ESR1: variants seen among roughly 807,000 people sequenced by gnomAD.
The protein encoded by ESR1 is estrogen receptor.
ESR1 carries 12 observed loss-of-function variants against 52.7 expected under a neutral mutation model. The ratio of observed to expected loss-of-function variants is 0.23; its 90% CI spans 0.15 to 0.37. ESR1 has a LOEUF of 0.37. Among genes scored for constraint, ESR1 ranks in the 10% least tolerant of loss-of-function variants. The probability of loss-of-function intolerance (pLI) is 1.00; values close to 1 mark genes in which losing one functional copy is unlikely to be tolerated. For synonymous variants in ESR1, 305 were observed against 316.8 expected (o/e 0.96, Z 0.39); for missense variants, 584 against 779.7 (o/e 0.75, Z 2.99).
exon 7 of ESR1, chr6:152,125,288 G>T: frequency 1.3e-6 from 2 of 1,550,450 alleles, no homozygotes; most frequent in Non-Finnish European, 1.7e-6. Flanking sequence ...TAGAAGCAAA[G>T]AAGAGAATCC....
chr6:151,692,999 T>C (rs866544733), intron 1 of ESR1, among the ~76,000 whole-genome samples: 1 of 152,236 alleles, frequency 6.6e-6, no homozygotes, highest in African/African-American at 2.4e-5. Flanking sequence ...GGAAAATGAC[T>C]GAGTACCAGC....
chr6:151,804,165 AC>A (rs1777548185), upstream of ESR1, among the ~76,000 whole-genome samples: 1 of 152,188 alleles, frequency 6.6e-6, no homozygotes, highest in South Asian at 2.1e-4. Flanking sequence ...ACCCATGCTC[AC>A]CAAGCCCAGG....
chr6:151,888,603 A>T (rs2128357403), intron 3 of ESR1, among the ~76,000 whole-genome samples: 1 of 152,226 alleles, frequency 6.6e-6, no homozygotes, highest in East Asian at 1.9e-4. Flanking sequence ...GTGTAAGATC[A>T]TGTCATCAGC....
At chr6:151,900,066 C>T (rs968596954) in intron 3 of ESR1, among the ~76,000 whole-genome samples, 11 of 152,166 alleles carry the variant, frequency 7.2e-5, no homozygotes, top group Non-Finnish European at 1.5e-4. Context: ...GAGGTTGTAG[C>T]GAGCTGAGAT....
chr6:151,803,344 T>G (rs1033495900), upstream of ESR1, among the ~76,000 whole-genome samples: 1 of 152,168 alleles, frequency 6.6e-6, no homozygotes, highest in Admixed American at 6.5e-5. Flanking sequence ...GTGGTAGCAT[T>G]TGGGCTGGAC....
At chr6:151,842,198 G>C (rs1036915159) in intron 1 of ESR1, among the ~76,000 whole-genome samples, 2 of 152,142 alleles carry the variant, frequency 1.3e-5, no homozygotes, top group Non-Finnish European at 2.9e-5. Flanking sequence ...AAATGTCCCA[G>C]CTGTTTTATG....
rs2152507468 is a variant in ESR1, at chr6:152,098,963, C to A, written c.1785C>A (p.Val595=). Residue 595 remains valine (V), a synonymous_variant, in exon 8 of 8, where the codon GTC becomes GTA. Transcript: ENST00000206249. This position sits in a 1 kb window ranked among gnomAD's most constrained non-coding sequence, Gnocchi z 5.1. Reference sequence around the variant, plus strand: ...AGGCAGAGGGTTTCCCTGCCACGGTCTGAGAGCTCCCTGGCTCCCACACGG... The same window carrying A: ...AGGCAGAGGGTTTCCCTGCCACGGTATGAGAGCTCCCTGGCTCCCACACGG... ...TGEAEGFPAT[V] 6.2e-7 allele frequency: 1 copy of A among 1,611,880 alleles called. No homozygotes were observed. The highest frequency in any genetic ancestry group is 1.1e-5 in the South Asian group (1 of 91,028).
intron 6 of ESR1, among the ~76,000 whole-genome samples, chr6:152,112,453 A>G (rs985820730): frequency 2.6e-5 from 4 of 152,306 alleles, no homozygotes; most frequent in Middle Eastern, 3.4e-3. Flanking sequence ...AGCAGCTACC[A>G]GGGATATTTA....
chr6:151,714,450 G>A (rs977079313), intron 2 of ESR1, among the ~76,000 whole-genome samples: 20 of 151,966 alleles, frequency 1.3e-4, no homozygotes, highest in African/African-American at 3.4e-4. Flanking sequence ...AAAGTCTCCC[G>A]CTATTATTGT....
intron 2 of ESR1, among the ~76,000 whole-genome samples, chr6:151,724,891 C>T (rs1781726100): frequency 6.6e-6 from 1 of 152,134 alleles, no homozygotes; most frequent in African/African-American, 2.4e-5. Flanking sequence ...TTTCATAATT[C>T]ACCTGCTAGG....
intron 5 of ESR1, among the ~76,000 whole-genome samples, chr6:152,047,686 G>A (rs1422900653): frequency 6.6e-6 from 1 of 152,118 alleles, no homozygotes; most frequent in Non-Finnish European, 1.5e-5. Flanking sequence ...CCCTGATTTG[G>A]CCCCTAAGCA....
intron 4 of ESR1, among the ~76,000 whole-genome samples, chr6:151,947,969 G>C (rs1441892974): frequency 6.6e-6 from 1 of 151,906 alleles, no homozygotes; most frequent in Non-Finnish European, 1.5e-5. Flanking sequence ...ATATTTAATA[G>C]GAATTTTATA....
chr6:151,896,581 C>T (rs1795542241), intron 3 of ESR1, among the ~76,000 whole-genome samples: 1 of 151,868 alleles, frequency 6.6e-6, no homozygotes, highest in African/African-American at 2.4e-5. Flanking sequence ...CTCTTCTTTT[C>T]TTGGTTAATC....
At chr6:151,666,404 T>C (rs566945739) in intron 1 of ESR1, among the ~76,000 whole-genome samples, 1 of 152,298 alleles carries the variant, frequency 6.6e-6, no homozygotes, top group East Asian at 1.9e-4. Flanking sequence ...AAGTGCATGT[T>C]CCTGTTCTCT....
At chr6:151,660,727 T>C (rs934406119) in intron 1 of ESR1, among the ~76,000 whole-genome samples, 1 of 152,260 alleles carries the variant, frequency 6.6e-6, no homozygotes, top group African/African-American at 2.4e-5. Context: ...CTTTTGTATG[T>C]ATATTTAACT....
chr6:151,777,582 G>T (rs182964397), intron 2 of ESR1, among the ~76,000 whole-genome samples: 76 of 152,138 alleles, frequency 5.0e-4, no homozygotes, highest in Non-Finnish European at 9.1e-4. Context: ...TGTAAGAAGG[G>T]TCATGTGGGG....
chr6:151,715,165 C>T (rs1218206408), intron 2 of ESR1, among the ~76,000 whole-genome samples: 1 of 152,088 alleles, frequency 6.6e-6, no homozygotes, highest in Non-Finnish European at 1.5e-5. Flanking sequence ...AATATTGGCC[C>T]CCACTCTCTT....
In ESR1 at chr6:151,674,730, G is replaced by A. The variant is rs13208333; in HGVS notation, n.73+17967G>A. 1.6e-3 allele frequency among the ~76,000 whole-genome samples: 240 copies of A among 152,262 alleles called. 1 individual carries two copies. The highest frequency in any genetic ancestry group is 6.4e-3 in the South Asian group (31 of 4,820). Reference sequence around the variant, plus strand: ...TTTAATGATCGCCATTCTAACTGGCGTGAGACGGTATTTCATTGTGGTTTT... The same window carrying A: ...TTTAATGATCGCCATTCTAACTGGCATGAGACGGTATTTCATTGTGGTTTT... On this transcript the variant is annotated intron_variant and non_coding_transcript_variant, in intron 1 of 2. Coordinates refer to the ESR1 transcript ENST00000473497.
intron 3 of ESR1, among the ~76,000 whole-genome samples, chr6:151,891,400 A>G (rs1428510197): frequency 6.6e-6 from 1 of 152,242 alleles, no homozygotes; most frequent in African/African-American, 2.4e-5. Flanking sequence ...GATAGAACCT[A>G]TAAAATGCAG....
Sources: allele counts gnomAD v4.1 joint callset (sites outside exome capture counted in the v4.1 genomes callset), GRCh38; gene constraint gnomAD v4.1.1; non-coding constraint Gnocchi (gnomAD v3.1); transcripts MANE v1.5; gene names NCBI Gene and HGNC (gene_info 2026-07-23, HGNC 2026-07-21).